SEL1L3: variants seen among roughly 807,000 people sequenced by gnomAD.
SEL1L3 encodes the protein SEL1L family member 3.
Under a neutral mutation model 142.8 loss-of-function variants are expected in SEL1L3, and 76 were observed. The ratio of observed to expected loss-of-function variants is 0.53; its 90% CI spans 0.44 to 0.64. SEL1L3 has a LOEUF of 0.64. SEL1L3 is among the 30% of genes least tolerant of loss of function. The probability of loss-of-function intolerance (pLI) is 0.00; values close to 1 mark genes in which losing one functional copy is unlikely to be tolerated. For missense variants in SEL1L3, 1,262 were observed against 1,381.7 expected, an observed-to-expected ratio of 0.91 and a Z score of 1.37; for synonymous variants, 504 against 519.6, an observed-to-expected ratio of 0.97 and a Z score of 0.41.
chr4:25,846,689 G>A lies in SEL1L3; in HGVS notation c.733+605C>T, dbSNP rs192310497. Among the ~76,000 whole-genome samples the A allele has an allele frequency of 7.4e-3, 1,128 of 151,974 alleles. 7 individuals are homozygous for A. Among genetic ancestry groups the A allele is most frequent in the Non-Finnish European group, 0.012 (792 of 67,950 alleles). On this transcript the variant is annotated intron_variant, in intron 2 of 23. Transcript: ENST00000399878. The stretch of plus-strand genomic sequence containing the variant: ...TTTGGGAGGCTAAGGCAGGCAGATC[G>A]CCTGAGGTCAGGAGTTTGAGACCAG...
chr4:25,767,845 T>C lies in SEL1L3; in HGVS notation c.2670-15A>G, dbSNP rs1359094893. On this transcript the variant is annotated splice_polypyrimidine_tract_variant and intron_variant, in intron 17 of 23. Coordinates refer to ENST00000399878, the MANE Select transcript of SEL1L3 (RefSeq NM_015187.5). ...AAGCTTCATGCCTAAAAATAGATGATTAATAATAAATTTCATATAGTGGCT... is the reference window on the plus strand; with the variant it reads ...AAGCTTCATGCCTAAAAATAGATGACTAATAATAAATTTCATATAGTGGCT... The C allele has an allele frequency of 6.8e-7, 1 of 1,473,284 alleles. No homozygotes were observed. Among genetic ancestry groups the C allele is most frequent in the Non-Finnish European group, 9.3e-7 (1 of 1,075,544 alleles). The allele number at this position is 1,473,284 out of a possible 1,614,324, so 91.3% of individuals were successfully genotyped here. A position where few individuals can be genotyped will look rare whatever the true frequency, so the allele number is the denominator to read the frequency against.
chr4:25,846,185 T>C (rs1477701962), intron 2 of SEL1L3, among the ~76,000 whole-genome samples: 1 of 152,146 alleles, frequency 6.6e-6, no homozygotes. Context: ...CTTGCACCAA[T>C]GGAGAGAACT....
At chr4:25,749,334 T>C (rs1717439980) in intron 23 of SEL1L3, among the ~76,000 whole-genome samples, 1 of 151,670 alleles carries the variant, frequency 6.6e-6, no homozygotes, top group Non-Finnish European at 1.5e-5. Flanking sequence ...TAAATCACCA[T>C]GGTAACAAGA....
In SEL1L3 at chr4:25,846,990, G is replaced by A. The variant is rs139779192; in HGVS notation, c.733+304C>T. 3.1e-3 allele frequency among the ~76,000 whole-genome samples: 467 copies of A among 149,390 alleles called. 10 individuals carry two copies. The highest frequency in any genetic ancestry group is 6.0e-3 in the East Asian group (30 of 5,038). On this transcript the variant is annotated intron_variant, in intron 2 of 23. Transcript: ENST00000399878. ...GAGTGGGAAGATTTTCCCAATCCTT[G>A]TTTCGGTGGCATGAATACTCCTTTC...
intron 6 of SEL1L3, among the ~76,000 whole-genome samples, chr4:25,828,382 A>G (rs1420587834): frequency 6.7e-6 from 1 of 148,528 alleles, no homozygotes; most frequent in African/African-American, 2.5e-5. Context: ...TTCTTTTCTT[A>G]TCTTTTCGTT....
intron 1 of SEL1L3, among the ~76,000 whole-genome samples, chr4:25,859,261 G>A (rs1025655081): frequency 6.6e-6 from 1 of 152,188 alleles, no homozygotes; most frequent in Non-Finnish European, 1.5e-5. Flanking sequence ...TGCTTTCGAG[G>A]CCCTCTCCCT....
intron 1 of SEL1L3, among the ~76,000 whole-genome samples, chr4:25,862,326 A>G (rs1577713472): frequency 7.6e-6 from 1 of 132,002 alleles, no homozygotes; most frequent in African/African-American, 2.9e-5. Context: ...GGGGTGCTGG[A>G]GACTGCGCGC....
At chr4:25,755,979 C>T (rs1413858919) in intron 23 of SEL1L3, 9 of 985,270 alleles carry the variant, frequency 9.1e-6, no homozygotes, top group Non-Finnish European at 1.1e-5. Flanking sequence ...GACTATGGGG[C>T]ATCAAGCCTG....
Position 25,788,134 on chromosome 4 carries a change from C to T in SEL1L3, c.2217+90G>A, listed in dbSNP as rs540653820. 159 of 1,291,206 alleles carry T rather than the reference C, an allele frequency of 1.2e-4. No homozygotes were observed. In the African/African-American group the frequency reaches 1.8e-3, roughly 15 times the overall value. 80.0% of individuals were successfully genotyped at this position (1,291,206 alleles called of 1,614,324 possible). ...GCATATACTAAATTTCTTCAGTTAT[C>T]GACTCCCTGTTTGCCAGCCCGCCCA... On this transcript the variant is annotated intron_variant, in intron 13 of 23. Transcript: ENST00000399878. This position sits in a 1 kb window ranked among gnomAD's most constrained non-coding sequence, Gnocchi z 5.3.
chr4:25,849,740 AG>A (rs1276177716), intron 1 of SEL1L3, among the ~76,000 whole-genome samples: 14 of 152,224 alleles, frequency 9.2e-5, no homozygotes, highest in African/African-American at 3.1e-4. Flanking sequence ...GTCTCCTCTG[AG>A]GAAAAAAATA....
chr4:25,830,277 C>CA (rs1265093445), intron 5 of SEL1L3, 121 bp from the exon 6 acceptor site: 12 of 592,088 alleles, frequency 2.0e-5, no homozygotes, highest in Non-Finnish European at 3.3e-5. Context: ...TCAGTTTCTG[C>CA]AAAAATAAAA....
the SEL1L3 span, among the ~76,000 whole-genome samples, chr4:25,717,051 C>G: frequency 6.6e-6 from 1 of 151,458 alleles, no homozygotes; most frequent in East Asian, 2.0e-4. Flanking sequence ...CACTTGAACC[C>G]AGGAGTCAGA....
At position 25,847,350 on chromosome 4, in the gene SEL1L3, A is replaced by G. The variant is rs181416349; in HGVS notation, c.677T>C (p.Met226Thr). 2.1e-5 allele frequency: 34 copies of G among 1,613,992 alleles called. 1 individual carries two copies. The East Asian group carries it at 6.7e-4, about 32-fold the overall frequency. The part of the protein sequence containing the change: ...KDHQVCLEWN[M>T]GYIWNLRANR... Reference sequence around the variant, plus strand: ...TGCCCGAAGGTTCCAAATATAACCCATGTTCCACTCAAGGCACACTTGATG... The same window carrying G: ...TGCCCGAAGGTTCCAAATATAACCCGTGTTCCACTCAAGGCACACTTGATG... Residue 226 changes from methionine to threonine, a missense_variant, in exon 2 of 24, where the codon ATG (methionine) becomes ACG (threonine). Physicochemically the swap from Met to Thr is moderately conservative, Grantham distance 81 (BLOSUM62 -1). Transcript: ENST00000399878.
downstream of SEL1L3, among the ~76,000 whole-genome samples, chr4:25,745,716 T>C (rs1460580793): frequency 3.9e-5 from 6 of 152,182 alleles, no homozygotes; most frequent in Admixed American, 2.0e-4. Context: ...CAAAGAACCA[T>C]CCAGCTCAAA....
chr4:25,783,708 A>G (rs1288580965), intron 14 of SEL1L3, among the ~76,000 whole-genome samples: 2 of 152,236 alleles, frequency 1.3e-5, no homozygotes, highest in East Asian at 3.8e-4. Flanking sequence ...CTGTATAGGA[A>G]CTAGCTGACT....
intron 23 of SEL1L3, 36 bp from the exon 24 acceptor site, chr4:25,748,600 CAA>C: frequency 6.3e-7 from 1 of 1,586,568 alleles, no homozygotes; most frequent in Non-Finnish European, 8.6e-7. Context: ...GCTGAATACT[CAA>C]AACAGTGCAT....
intron 1 of SEL1L3, among the ~76,000 whole-genome samples, chr4:25,850,812 T>C (rs1230660059): frequency 6.6e-6 from 1 of 152,128 alleles, no homozygotes; most frequent in Non-Finnish European, 1.5e-5. Context: ...TCTGGTTTTT[T>C]TGTTTGTTTT....
the SEL1L3 span, among the ~76,000 whole-genome samples, chr4:25,717,172 A>G: frequency 6.6e-6 from 1 of 152,000 alleles, no homozygotes; most frequent in Non-Finnish European, 1.5e-5. Context: ...ATCCATAAAT[A>G]TATACACCTA....
chr4:25,862,464 G>A, intron 1 of SEL1L3, among the ~76,000 whole-genome samples: 1 of 152,190 alleles, frequency 6.6e-6, no homozygotes, highest in East Asian at 1.9e-4. Context: ...GCACGAGCGA[G>A]AGAGCAGCTT....
Sources: gnomAD v4.1 joint callset for allele counts (sites outside exome capture counted in the v4.1 genomes callset) on GRCh38, gnomAD v4.1.1 for gene constraint, Gnocchi (gnomAD v3.1) non-coding constraint, MANE v1.5 for transcripts, NCBI Gene and HGNC (gene_info 2026-07-23, HGNC 2026-07-21) for gene names.